ELAPOR2: variants seen among roughly 807,000 people sequenced by gnomAD.
The protein encoded by ELAPOR2 is endosome-lysosome associated apoptosis and autophagy regulator family member 2.
In ELAPOR2, 89 loss-of-function variants were observed where a neutral mutation model predicts 120.7. The ratio of observed to expected loss-of-function variants is 0.74; its 90% CI spans 0.62 to 0.88. ELAPOR2 has a LOEUF of 0.88. Ranked by LOEUF, ELAPOR2 falls within the 40% of genes least tolerant of loss-of-function variation. ELAPOR2 has a pLI of 0.00. For missense variants in ELAPOR2, 1,134 were observed against 1,251.6 expected (o/e 0.91, Z 1.42); for synonymous variants, 444 against 444.9 (o/e 1.00, Z 0.03).
At chr7:86,957,550 A>C (rs964190159) in intron 2 of ELAPOR2, among the ~76,000 whole-genome samples, 1 of 152,228 alleles carries the variant, frequency 6.6e-6, no homozygotes, top group African/African-American at 2.4e-5. Context: ...CAATGAAAAC[A>C]TATTCTATAT....
At chr7:86,957,174 T>A (rs970362594) in intron 2 of ELAPOR2, among the ~76,000 whole-genome samples, 1 of 152,244 alleles carries the variant, frequency 6.6e-6, no homozygotes, top group Non-Finnish European at 1.5e-5. Flanking sequence ...CTATCACTTG[T>A]GTGTTACAGA....
chr7:86,889,189 C>T (rs1042034973), intron 21 of ELAPOR2, among the ~76,000 whole-genome samples: 1 of 152,078 alleles, frequency 6.6e-6, no homozygotes. Flanking sequence ...AATATAATTA[C>T]CCTATACTTT....
Position 86,901,766 on chromosome 7 carries a change from A to G in ELAPOR2, c.2559-4134T>C, listed in dbSNP as rs145025692. ...TTGAGTGAGCTCCCCACGTTGGGGT[A>G]TTCAGACTGGCATTAGTGCTGTCTG... On this transcript the variant is annotated intron_variant, in intron 18 of 21. Transcript: ENST00000450689. 1.9e-3 allele frequency among the ~76,000 whole-genome samples: 289 copies of G among 152,314 alleles called. 1 individual carries two copies. The highest frequency in any genetic ancestry group is 6.7e-3 in the African/African-American group (278 of 41,578).
intron 1 of ELAPOR2, among the ~76,000 whole-genome samples, chr7:86,994,740 G>A (rs560947023): frequency 4.2e-4 from 64 of 152,138 alleles, no homozygotes; most frequent in African/African-American, 1.5e-3. Flanking sequence ...ACTTTAGCTG[G>A]TACTAAGAAG....
At chr7:86,978,938 T>C (rs1487655211) in intron 1 of ELAPOR2, among the ~76,000 whole-genome samples, 1 of 152,228 alleles carries the variant, frequency 6.6e-6, no homozygotes, top group Non-Finnish European at 1.5e-5. Context: ...ACTGACACAT[T>C]TCCTCAATTC....
At chr7:86,988,107 A>G (rs1792816530) in intron 1 of ELAPOR2, among the ~76,000 whole-genome samples, 1 of 152,324 alleles carries the variant, frequency 6.6e-6, no homozygotes, top group Non-Finnish European at 1.5e-5. Context: ...ACAGAAAACC[A>G]AACACCGCAT....
At chr7:87,035,042 C>T (rs1794540347) in intron 1 of ELAPOR2, among the ~76,000 whole-genome samples, 1 of 149,526 alleles carries the variant, frequency 6.7e-6, no homozygotes, top group African/African-American at 2.5e-5. Context: ...GCCAAGATAG[C>T]ACCACTACAC....
At chr7:86,967,928 C>A (rs909367504) in intron 1 of ELAPOR2, among the ~76,000 whole-genome samples, 1 of 152,148 alleles carries the variant, frequency 6.6e-6, no homozygotes, top group South Asian at 2.1e-4. Context: ...AGAGGGCAGA[C>A]CTTGGGGTCA....
chr7:86,938,008 C>A, intron 8 of ELAPOR2, 118 bp downstream of exon 8: 2 of 714,080 alleles, frequency 2.8e-6, no homozygotes, highest in South Asian at 2.0e-5. Context: ...TCTAAAATTT[C>A]CTCTTTACAC....
chr7:87,044,678 A>C (rs1177706101), intron 1 of ELAPOR2, among the ~76,000 whole-genome samples: 1 of 152,010 alleles, frequency 6.6e-6, no homozygotes, highest in Non-Finnish European at 1.5e-5. Context: ...AGGCATTACC[A>C]TTCAGGACAT....
chr7:87,046,689 A>T (rs1794968417), intron 1 of ELAPOR2, among the ~76,000 whole-genome samples: 1 of 152,164 alleles, frequency 6.6e-6, no homozygotes, highest in Non-Finnish European at 1.5e-5. Flanking sequence ...AGTCTTTGGA[A>T]GTTCCTCCTT....
Position 86,918,428 on chromosome 7 carries a change from G to A in ELAPOR2, c.1593+14C>T, listed in dbSNP as rs373571998. ...GCTTAGAAATCTGCCTTTGAAAGCC[G>A]CCCGTCCACTTACCACCATGAAGTA... On this transcript the variant is annotated intron_variant, in intron 12 of 21. Transcript: ENST00000450689. 6.8e-5 allele frequency: 104 copies of A among 1,529,208 alleles called. No homozygotes were observed. The highest frequency in any genetic ancestry group is 8.1e-5 in the Non-Finnish European group (90 of 1,114,312). 94.7% of individuals were successfully genotyped at this position (1,529,208 alleles called of 1,614,324 possible). A position where few individuals can be genotyped will look rare whatever the true frequency, so the allele number is the denominator to read the frequency against.
rs78339377 is a variant in ELAPOR2, at chr7:86,877,867, G to A, written c.*2604C>T. 1.6e-4 allele frequency: 24 copies of A among 152,328 alleles called. No individual in the cohort carries two copies. The East Asian group carries it at 4.1e-3, about 26-fold the overall frequency. 9.4% of individuals were successfully genotyped at this position (152,328 alleles called of 1,614,324 possible). On this transcript the variant is annotated 3_prime_UTR_variant, in exon 22 of 22. Transcript: ENST00000450689. ...AAGGATGTGATTACTAGTAACTAAAGAGGGGAAAAGTCAACAATAATGAAA... is the reference window on the plus strand; with the variant it reads ...AAGGATGTGATTACTAGTAACTAAAAAGGGGAAAAGTCAACAATAATGAAA...
chr7:86,983,017 G>A (rs997686077), intron 1 of ELAPOR2, among the ~76,000 whole-genome samples: 17 of 152,240 alleles, frequency 1.1e-4, no homozygotes, highest in African/African-American at 3.9e-4. Context: ...TGAAAACCAT[G>A]GCACGAGAAT....
chr7:86,891,063 G>C (rs564185990), intron 21 of ELAPOR2: 8 of 152,076 alleles, frequency 5.3e-5, no homozygotes, highest in African/African-American at 1.9e-4. Context: ...ATGGTTTCAT[G>C]TTATGTTTGG....
chr7:87,047,473 C>T (rs182083355), intron 1 of ELAPOR2, among the ~76,000 whole-genome samples: 6 of 152,236 alleles, frequency 3.9e-5, no homozygotes, highest in African/African-American at 1.2e-4. Context: ...GCTCAAACAA[C>T]TCTGTAGGAA....
intron 1 of ELAPOR2, among the ~76,000 whole-genome samples, chr7:87,012,492 A>G (rs1438127225): frequency 1.3e-5 from 2 of 152,168 alleles, no homozygotes; most frequent in Admixed American, 1.3e-4. Context: ...TTCTACATTC[A>G]GTCAGTATGT....
intron 12 of ELAPOR2, among the ~76,000 whole-genome samples, chr7:86,918,072 T>A (rs1314821027): frequency 6.6e-6 from 1 of 152,104 alleles, no homozygotes; most frequent in African/African-American, 2.4e-5. Flanking sequence ...ATTAGTACAA[T>A]GTTTTTTCTT....
intron 1 of ELAPOR2, among the ~76,000 whole-genome samples, chr7:87,036,324 T>C (rs1013031824): frequency 2.6e-5 from 4 of 151,896 alleles, no homozygotes; most frequent in African/African-American, 9.7e-5. Context: ...ATAATAATAA[T>C]AATACAAAAA....
Sources: gnomAD v4.1 joint callset for allele counts (sites outside exome capture counted in the v4.1 genomes callset) on GRCh38, gnomAD v4.1.1 for gene constraint, MANE v1.5 for transcripts, NCBI Gene and HGNC (gene_info 2026-07-23, HGNC 2026-07-21) for gene names.